The following FYB1 variants were observed in gnomAD, a reference collection of about 807,000 sequenced individuals.
FYB1 encodes the protein FYN-binding protein 1.
A neutral mutation model predicts 94.1 loss-of-function variants in FYB1; 41 were observed. The observed-to-expected ratio is 0.44, with a 90% CI of 0.34 to 0.57. The LOEUF (loss-of-function observed/expected upper bound fraction) is 0.57, where lower values mean the gene tolerates loss of function less well. Among genes scored for constraint, FYB1 ranks in the 20% least tolerant of loss-of-function variants. The probability of loss-of-function intolerance (pLI) is 0.02; values close to 1 mark genes in which losing one functional copy is unlikely to be tolerated. For synonymous variants in FYB1, 367 were observed against 353.2 expected (o/e 1.04, Z -0.44); for missense variants, 1,050 against 976.8 (o/e 1.07, Z -1.00).
At chr5:39,262,519 G>A (rs917333523) in intron 1 of FYB1, among the ~76,000 whole-genome samples, 2 of 152,190 alleles carry the variant, frequency 1.3e-5, no homozygotes, top group African/African-American at 4.8e-5. Flanking sequence ...ATGATGTAGA[G>A]AAATGGCAAC....
rs553674483 is a variant in FYB1 at position 39,134,863 on chromosome 5, C to G, written c.1667G>C (p.Arg556Thr). ...GAGAAATTTGCACTCACATGAACCC[C>G]TTGCTGTTCTGCCCAACCATTTTCC... The part of the protein sequence containing the change: ...PEGKWLGRTA[R>T]GSYGYIKTTA... The change falls in exon 8 of 19, where the codon AGG (arginine) becomes ACG (threonine). Residue 556 changes from arginine to threonine, a missense_variant. By Grantham distance (71) the Arg-to-Thr change is moderately conservative. Transcript: ENST00000512982. The G allele has an allele frequency of 6.8e-6, 11 of 1,613,912 alleles. No homozygotes were observed. In the South Asian group the frequency reaches 1.2e-4, roughly 18 times the overall value.
intron 2 of FYB1, among the ~76,000 whole-genome samples, chr5:39,198,717 G>A (rs576052601): frequency 1.3e-5 from 2 of 152,154 alleles, no homozygotes; most frequent in East Asian, 3.9e-4. Context: ...GCATGTTTAA[G>A]GTGGGCTAGG....
At position 39,270,496 on chromosome 5, in the gene FYB1, C is replaced by T. The variant is rs1208763585; in HGVS notation, c.-28+3907G>A. 10 of 1,423,662 alleles carry T rather than the reference C, an allele frequency of 7.0e-6. No individual in the cohort carries two copies. The South Asian group carries it at 1.1e-4, about 16-fold the overall frequency. The allele number at this position is 1,423,662 out of a possible 1,614,324, so 88.2% of individuals were successfully genotyped here. A position where few individuals can be genotyped will look rare whatever the true frequency, so the allele number is the denominator to read the frequency against. On this transcript the variant is annotated intron_variant, in intron 1 of 1. Transcript: ENST00000510188. ...ACCTGACTGTGAAGCACCCTCAACTCTGACTGTTCTATGCAGAGAAGAGTA... is the reference window on the plus strand; with the variant it reads ...ACCTGACTGTGAAGCACCCTCAACTTTGACTGTTCTATGCAGAGAAGAGTA...
intron 2 of FYB1, among the ~76,000 whole-genome samples, chr5:39,201,019 A>G (rs1335244061): frequency 6.6e-6 from 1 of 152,216 alleles, no homozygotes; most frequent in Non-Finnish European, 1.5e-5. Flanking sequence ...ACCCGAAAGG[A>G]GAGTAAAGTA....
At chr5:39,241,881 G>C (rs951887452) in intron 1 of FYB1, among the ~76,000 whole-genome samples, 1 of 150,628 alleles carries the variant, frequency 6.6e-6, no homozygotes, top group African/African-American at 2.4e-5. Context: ...TTTGTTCATA[G>C]AATTTGTTAT....
At chr5:39,252,249 A>T (rs1184337351) in intron 1 of FYB1, among the ~76,000 whole-genome samples, 1 of 151,170 alleles carries the variant, frequency 6.6e-6, no homozygotes, top group African/African-American at 2.4e-5. Flanking sequence ...AAGATAACAA[A>T]AACAGGGCAT....
chr5:39,262,074 TA>T (rs1396576212), intron 1 of FYB1, among the ~76,000 whole-genome samples: 10 of 152,154 alleles, frequency 6.6e-5, no homozygotes, highest in African/African-American at 2.4e-4. Context: ...AAAATGACTT[TA>T]ATATTTAAGG....
chr5:39,187,891 T>C (rs901878983), intron 2 of FYB1, among the ~76,000 whole-genome samples: 3 of 152,088 alleles, frequency 2.0e-5, no homozygotes, highest in African/African-American at 7.2e-5. Context: ...CTGAAAGCAC[T>C]GTGTGGAACA....
chr5:39,143,461 G>GT (rs201359610), intron 3 of FYB1, among the ~76,000 whole-genome samples: 3,123 of 152,178 alleles, frequency 0.021, 91 homozygotes, highest in African/African-American at 0.062. Flanking sequence ...CTCTGGAGTG[G>GT]ACTGTTGCAG....
chr5:39,175,387 T>C (rs1579563510), intron 2 of FYB1, among the ~76,000 whole-genome samples: 2 of 152,312 alleles, frequency 1.3e-5, no homozygotes, highest in Middle Eastern at 3.4e-3. Flanking sequence ...TGGATTGAGT[T>C]GACACCATTC....
chr5:39,151,326 G>A (rs1185156961), intron 3 of FYB1, among the ~76,000 whole-genome samples: 1 of 152,094 alleles, frequency 6.6e-6, no homozygotes, highest in African/African-American at 2.4e-5. Context: ...GTCTTGCTCT[G>A]TCACCCAGGC....
intron 6 of FYB1, 51 bp downstream of exon 6, chr5:39,138,606 A>C: frequency 8.6e-7 from 1 of 1,167,870 alleles, no homozygotes; most frequent in Non-Finnish European, 1.3e-6. Context: ...CATACAAAAC[A>C]TTATATTCAT....
At chr5:39,271,941 G>A (rs1393775347) in intron 1 of FYB1, among the ~76,000 whole-genome samples, 1 of 152,160 alleles carries the variant, frequency 6.6e-6, no homozygotes, top group Non-Finnish European at 1.5e-5. Flanking sequence ...TTTCCAGAAT[G>A]CTTTGAAATG....
chr5:39,141,119 G>A lies in FYB1; in HGVS notation c.1315C>T (p.Gln439Ter). 2 of 1,593,394 alleles carry A rather than the reference G, an allele frequency of 1.3e-6. No homozygotes were observed. The highest frequency in any genetic ancestry group is 1.7e-6 in the Non-Finnish European group (2 of 1,168,420). ...CCATCAGAGTGCGTGACACCATCTTGATTGTCTTCATTGACAGGGCTTCTG... is the reference window on the plus strand; with the variant it reads ...CCATCAGAGTGCGTGACACCATCTTAATTGTCTTCATTGACAGGGCTTCTG... ...DLKSPVNEDN[Q>*]DGVTHSDGAG... The change falls in exon 4 of 19, where the codon CAA (glutamine) becomes TAA (stop). Residue 439 changes from glutamine to a stop codon, truncating the protein, a stop_gained. Transcript: ENST00000512982. LOFTEE classifies it high-confidence loss of function.
rs1337831676 is a variant in FYB1 at position 39,134,277 on chromosome 5, G to A, written c.1748C>T (p.Ala583Val). The A allele has an allele frequency of 1.6e-5, 26 of 1,608,544 alleles. 2 individuals carry two copies. In the South Asian group the frequency reaches 2.7e-4, roughly 17 times the overall value. ...GTCATCTTCAATAGGTCTTGAAGGGGCACCAAGAGAGTCTTTTTTCAGTTT... is the reference window on the plus strand; with the variant it reads ...GTCATCTTCAATAGGTCTTGAAGGGACACCAAGAGAGTCTTTTTTCAGTTT... ...SLKLKKDSLG[A>V]PSRPIEDDQE... Residue 583 changes from alanine to valine, a missense_variant, in exon 9 of 19, where the codon GCC becomes GTC. Ala to Val is a moderately conservative substitution (Grantham distance 64). Transcript: ENST00000512982.
rs774356633 is a variant in FYB1 at position 39,107,298 on chromosome 5, C to G, written c.*145G>C. 17 of 491,350 alleles carry G rather than the reference C, an allele frequency of 3.5e-5. No individual in the cohort carries two copies. Among genetic ancestry groups the G allele is most frequent in the Non-Finnish European group, 5.7e-5 (16 of 279,798 alleles). 30.4% of individuals were successfully genotyped at this position (491,350 alleles called of 1,614,324 possible). Reference sequence around the variant, plus strand: ...ATTTTCTATGTTCAAACTTTAAACACTTTGTAAAGATAATTGGGATTTCAT... The same window carrying G: ...ATTTTCTATGTTCAAACTTTAAACAGTTTGTAAAGATAATTGGGATTTCAT... On this transcript the variant is annotated 3_prime_UTR_variant, in exon 19 of 19. Transcript: ENST00000512982.
intron 16 of FYB1, among the ~76,000 whole-genome samples, chr5:39,111,101 T>C (rs1188897005): frequency 6.6e-6 from 1 of 151,978 alleles, no homozygotes; most frequent in African/African-American, 2.4e-5. Flanking sequence ...TTTGTTGTTG[T>C]TGTTGTGTGA....
chr5:39,116,518 A>G (rs1739586244), intron 16 of FYB1, among the ~76,000 whole-genome samples: 1 of 152,222 alleles, frequency 6.6e-6, no homozygotes, highest in Admixed American at 6.5e-5. Context: ...GGCCTGTAGT[A>G]TTTGTAATAG....
intron 1 of FYB1, among the ~76,000 whole-genome samples, chr5:39,205,512 C>T (rs1302519699): frequency 1.3e-5 from 2 of 152,270 alleles, no homozygotes; most frequent in East Asian, 3.9e-4. Context: ...CTCGCTGCAT[C>T]GGTGAGGAAA....
Sources: gnomAD v4.1 joint callset for allele counts (sites outside exome capture counted in the v4.1 genomes callset) on GRCh38, gnomAD v4.1.1 for gene constraint, MANE v1.5 for transcripts, NCBI Gene and HGNC (gene_info 2026-07-23, HGNC 2026-07-21) for gene names.